The following TRIM8 variants were observed in gnomAD, a reference collection of about 807,000 sequenced individuals.
TRIM8 encodes E3 ubiquitin-protein ligase TRIM8.
In TRIM8, 9 loss-of-function variants were observed where a neutral mutation model predicts 55.7. The ratio of observed to expected loss-of-function variants is 0.16; its 90% CI spans 0.10 to 0.28. The LOEUF (loss-of-function observed/expected upper bound fraction) is 0.28, where lower values mean the gene tolerates loss of function less well. TRIM8 is among the 10% of genes least tolerant of loss of function. The pLI is 1.00. For synonymous variants in TRIM8, 335 were observed against 333.3 expected, an observed-to-expected ratio of 1.01 and a Z score of -0.06; for missense variants, 556 against 736.4, an observed-to-expected ratio of 0.76 and a Z score of 2.83.
At chr10:102,645,373 C>T (rs1174677170) in intron 1 of TRIM8, 186 bp downstream of exon 1, 2 of 607,904 alleles carry the variant, frequency 3.3e-6, no homozygotes, top group African/African-American at 3.9e-5. Context: ...CGGGTCGCTA[C>T]TTGGTACATT....
intron 1 of TRIM8, among the ~76,000 whole-genome samples, chr10:102,653,067 G>A (rs371897867): frequency 4.7e-4 from 71 of 152,308 alleles, no homozygotes; most frequent in African/African-American, 1.6e-3. Context: ...CCAAAGTGCT[G>A]GGATTACAGG....
intron 1 of TRIM8, among the ~76,000 whole-genome samples, chr10:102,646,303 T>A (rs1590103854): frequency 1.3e-5 from 2 of 152,128 alleles, no homozygotes; most frequent in East Asian, 3.9e-4. Flanking sequence ...GCCTGGGGCC[T>A]GGGTGTGATA....
chr10:102,658,064 A>G lies in TRIM8; in HGVS notation c.*710A>G, dbSNP rs774651991. ...AGTGACCACAGCAAAAGCAAATAATAATAATATTAATAATAATAAAGAGAA... is the reference window on the plus strand; with the variant it reads ...AGTGACCACAGCAAAAGCAAATAATGATAATATTAATAATAATAAAGAGAA... On this transcript the variant is annotated 3_prime_UTR_variant, in exon 6 of 6. Transcript: ENST00000643721. 10 of 152,076 alleles carry G rather than the reference A, an allele frequency of 6.6e-5. No homozygotes were observed. Among genetic ancestry groups the G allele is most frequent in the African/African-American group, 9.7e-5 (4 of 41,380 alleles). 9.4% of individuals were successfully genotyped at this position (152,076 alleles called of 1,614,324 possible).
rs750788072 is a variant in TRIM8 at position 102,656,379 on chromosome 10, C to A, written c.1042C>A (p.Leu348Ile). 6.2e-7 allele frequency: 1 copy of A among 1,612,128 alleles called. No individual in the cohort carries two copies. Among genetic ancestry groups the A allele is most frequent in the East Asian group, 2.2e-5 (1 of 44,806 alleles). ...GAAGGAGAAGCAGCTGCGGAAAATG[C>A]TAGAAGGTGAGGGTGGGGTGTTCCG... ...AKKEKQLRKM[L>I]EGPFSTPVPF... Residue 348 changes from leucine (L) to isoleucine (I), a missense_variant, in exon 5 of 6, where the codon CTA becomes ATA. Transcript: ENST00000643721. This position sits in a 1 kb window ranked among gnomAD's most constrained non-coding sequence, Gnocchi z 4.6.
Position 102,644,584 on chromosome 10 carries a change from G to A in TRIM8, c.-34G>A. 6.3e-7 allele frequency: 1 copy of A among 1,598,242 alleles called. No individual in the cohort carries two copies. The highest frequency in any genetic ancestry group is 8.5e-7 in the Non-Finnish European group (1 of 1,173,304). The stretch of plus-strand genomic sequence containing the variant: ...CGGACCCCCGGGGCTGGGGAGTCGG[G>A]GAGGCCTGCCCCGGCCCCCTGCCCG... On this transcript the variant is annotated 5_prime_UTR_variant, in exon 1 of 6. Coordinates refer to ENST00000643721, the MANE Select transcript of TRIM8 (RefSeq NM_030912.3).
rs199601067 is a variant in TRIM8, at chr10:102,656,425, T to C, written c.1048+40T>C. The C allele has an allele frequency of 5.8e-4, 923 of 1,581,874 alleles. 9 individuals are homozygous for C. The African/African-American group carries it at 0.011, about 20-fold the overall frequency. On this transcript the variant is annotated intron_variant, in intron 5 of 5. Coordinates refer to ENST00000643721, the MANE Select transcript of TRIM8 (RefSeq NM_030912.3). The surrounding 1 kb of genome is among the most constrained non-coding windows in gnomAD (Gnocchi z 4.6). ...TTCCGCCGAAGGGAGACAGGGACCT[T>C]TGGGGAGGGGTTCAGCGCCACAGCC... is the stretch of plus-strand genomic sequence containing the variant.
chr10:102,654,764 G>C lies in TRIM8; in HGVS notation c.666+16G>C, dbSNP rs1180869613. The C allele has an allele frequency of 6.2e-7, 1 of 1,603,848 alleles. No homozygotes were observed. Among genetic ancestry groups the C allele is most frequent in the East Asian group, 2.2e-5 (1 of 44,836 alleles). On this transcript the variant is annotated intron_variant, in intron 2 of 5. Coordinates refer to ENST00000643721, the MANE Select transcript of TRIM8 (RefSeq NM_030912.3). ...CCTGGTGGAGGTAGCTAAGCCCAAG[G>C]CCATGCTGCGGGGTGGGGGTGGCTT...
chr10:102,644,592 GCCCCGGCCCCCTGC>G lies in TRIM8; in HGVS notation c.-23_-10del. 2 of 1,604,220 alleles carry G rather than the reference GCCCCGGCCCCCTGC, an allele frequency of 1.2e-6. No homozygotes were observed. The highest frequency in any genetic ancestry group is 2.7e-5 in the African/African-American group (2 of 74,772). ...CGGGGCTGGGGAGTCGGGGAGGCCT[GCCCCGGCCCCCTGC>G]CCGCGGCCGCCATGGCGGAGAATTG... On this transcript the variant is annotated 5_prime_UTR_variant, in exon 1 of 6. Transcript: ENST00000643721.
In TRIM8 at chr10:102,656,349, G is replaced by C; in HGVS notation, c.1012G>C (p.Ala338Pro). The C allele has an allele frequency of 6.2e-7, 1 of 1,614,080 alleles. No individual in the cohort carries two copies. Among genetic ancestry groups the C allele is most frequent in the Non-Finnish European group, 8.5e-7 (1 of 1,179,974 alleles). The change falls in exon 5 of 6, where the codon GCC (alanine) becomes CCC (proline). Residue 338 changes from alanine (A) to proline (P), a missense_variant. Transcript: ENST00000643721. The surrounding 1 kb of genome is among the most constrained non-coding windows in gnomAD (Gnocchi z 4.6). ...CTCCAAGCTCTTCCTGAACGAAGTGGCCAAGAAGGAGAAGCAGCTGCGGAA... is the reference window on the plus strand; with the variant it reads ...CTCCAAGCTCTTCCTGAACGAAGTGCCCAAGAAGGAGAAGCAGCTGCGGAA... ...LNSKLFLNEVAKKEKQLRKML... is the reference protein window; with the variant it reads ...LNSKLFLNEVPKKEKQLRKML...
At chr10:102,645,581 T>C (rs2063927787) in intron 1 of TRIM8, 1 of 171,564 alleles carries the variant, frequency 5.8e-6, no homozygotes, top group Non-Finnish European at 1.2e-5. Context: ...ATGTAATGAG[T>C]GTCCCGGTGC....
At chr10:102,647,529 A>C (rs1350863374) in intron 1 of TRIM8, among the ~76,000 whole-genome samples, 1 of 152,172 alleles carries the variant, frequency 6.6e-6, no homozygotes, top group East Asian at 1.9e-4. Flanking sequence ...CTGCCCTCCC[A>C]GGAGGGAGAG....
chr10:102,648,991 C>T (rs563247149), intron 1 of TRIM8, among the ~76,000 whole-genome samples: 44 of 152,006 alleles, frequency 2.9e-4, no homozygotes, highest in Non-Finnish European at 5.6e-4. Context: ...ATTACTCTGC[C>T]TTCTGCGGCC....
chr10:102,656,026 G>C lies in TRIM8; in HGVS notation c.901-80G>C, dbSNP rs1279674024. ...CCAGCCTGGGGGAGGCTCAGGGGGG[G>C]CAGCTTTTGTCTTCCCCTCTCCCCG... On this transcript the variant is annotated intron_variant, in intron 3 of 5. Transcript: ENST00000643721. The surrounding 1 kb of genome is among the most constrained non-coding windows in gnomAD (Gnocchi z 4.6). 4 of 1,605,902 alleles carry C rather than the reference G, an allele frequency of 2.5e-6. No homozygotes were observed. The highest frequency in any genetic ancestry group is 1.3e-5 in the African/African-American group (1 of 74,764).
Position 102,644,662 on chromosome 10 carries a change from C to T in TRIM8, c.45C>T (p.Cys15=), listed in dbSNP as rs143116569. ...WKNCFEEELI[C]PICLHVFVEP... is the part of the protein sequence containing the mutation. Reference sequence around the variant, plus strand: ...ACTGCTTCGAGGAGGAGCTCATCTGCCCTATCTGCCTGCACGTTTTCGTGG... The same window carrying T: ...ACTGCTTCGAGGAGGAGCTCATCTGTCCTATCTGCCTGCACGTTTTCGTGG... The change falls in exon 1 of 6, where the codon TGC becomes TGT. Residue 15 remains cysteine, a synonymous_variant. Coordinates refer to ENST00000643721, the MANE Select transcript of TRIM8 (RefSeq NM_030912.3). 5.7e-4 allele frequency: 927 copies of T among 1,613,366 alleles called. 9 individuals are homozygous for T. The African/African-American group carries it at 0.011, about 20-fold the overall frequency.
intron 1 of TRIM8, among the ~76,000 whole-genome samples, chr10:102,651,118 T>C (rs2135979963): frequency 6.6e-6 from 1 of 152,190 alleles, no homozygotes; most frequent in Admixed American, 6.5e-5. Flanking sequence ...CTTCCTGCTC[T>C]CACTCCAACC....
At position 102,657,014 on chromosome 10, in the gene TRIM8, C is replaced by G. The variant is rs1198286184; in HGVS notation, c.1316C>G (p.Pro439Arg). Residue 439 changes from proline to arginine, a missense_variant, in exon 6 of 6, where the codon CCC (proline) becomes CGC (arginine). By Grantham distance (103) the Pro-to-Arg change is moderately radical. Coordinates refer to ENST00000643721, the MANE Select transcript of TRIM8 (RefSeq NM_030912.3). ...PGGAQPVHSS[P>R]VFPPSQYPNG... Reference sequence around the variant, plus strand: ...GGCGCCCAACCAGTGCACTCAAGCCCCGTGTTCCCCCCATCGCAGTATCCC... The same window carrying G: ...GGCGCCCAACCAGTGCACTCAAGCCGCGTGTTCCCCCCATCGCAGTATCCC... 1 of 1,612,760 alleles carries G rather than the reference C, an allele frequency of 6.2e-7. No homozygotes were observed. Among genetic ancestry groups the G allele is most frequent in the Admixed American group, 1.7e-5 (1 of 60,028 alleles).
intron 1 of TRIM8, among the ~76,000 whole-genome samples, chr10:102,650,836 C>T (rs2063978662): frequency 6.6e-6 from 1 of 152,126 alleles, no homozygotes; most frequent in Non-Finnish European, 1.5e-5. Context: ...GGGGTCTGGG[C>T]CTTGCTTCCT....
intron 1 of TRIM8, 161 bp downstream of exon 1, chr10:102,645,348 T>A: frequency 1.3e-6 from 1 of 787,668 alleles, no homozygotes; most frequent in Admixed American, 3.6e-5. Context: ...GACAGGGTCC[T>A]GGGAAGAAGG....
rs1327459417 is a variant in TRIM8 at position 102,644,583 on chromosome 10, G to T, written c.-35G>T. The T allele has an allele frequency of 8.1e-6, 13 of 1,597,030 alleles. No homozygotes were observed. Among genetic ancestry groups the T allele is most frequent in the African/African-American group, 2.7e-5 (2 of 74,404 alleles). On this transcript the variant is annotated 5_prime_UTR_variant, in exon 1 of 6. Coordinates refer to ENST00000643721, the MANE Select transcript of TRIM8 (RefSeq NM_030912.3). ...ACGGACCCCCGGGGCTGGGGAGTCG[G>T]GGAGGCCTGCCCCGGCCCCCTGCCC...
Sources: allele counts gnomAD v4.1 joint callset (sites outside exome capture counted in the v4.1 genomes callset), GRCh38; gene constraint gnomAD v4.1.1; non-coding constraint Gnocchi (gnomAD v3.1); transcripts MANE v1.5; gene names NCBI Gene and HGNC (gene_info 2026-07-23, HGNC 2026-07-21).